DLGAP1: variants seen among roughly 807,000 people sequenced by gnomAD.
The protein encoded by DLGAP1 is DLG associated protein 1, also known as disks large-associated protein 1.
A neutral mutation model predicts 90.8 loss-of-function variants in DLGAP1; 11 were observed. The ratio of observed to expected loss-of-function variants is 0.12; its 90% CI spans 0.08 to 0.20. The LOEUF is 0.20. Ranked by LOEUF, DLGAP1 falls within the 10% of genes least tolerant of loss-of-function variation. The pLI is 1.00. For synonymous variants in DLGAP1, 558 were observed against 540.7 expected (o/e 1.03, Z -0.44); for missense variants, 1,050 against 1,333.8 (o/e 0.79, Z 3.31).
intron 3 of DLGAP1, 30 bp downstream of exon 3, chr18:4,005,086 T>C (rs1369513295): frequency 1.3e-5 from 2 of 152,210 alleles, no homozygotes; most frequent in African/African-American, 4.8e-5. Context: ...GGCTCCATTC[T>C]TCCCTTACTG....
Position 3,729,449 on chromosome 18 carries a change from C to A in DLGAP1, c.1351-74G>T. On this transcript the variant is annotated intron_variant, in intron 6 of 12. Transcript: ENST00000315677. This position sits in a 1 kb window ranked among gnomAD's most constrained non-coding sequence, Gnocchi z 6.2. ...ATCAACCTCTCCAAGCATCTGCGAACTTCAATCCCCAGAAGAAAAAGCAGC... is the reference window on the plus strand; with the variant it reads ...ATCAACCTCTCCAAGCATCTGCGAAATTCAATCCCCAGAAGAAAAAGCAGC... The A allele has an allele frequency of 6.5e-7, 1 of 1,539,610 alleles. No individual in the cohort carries two copies. Among genetic ancestry groups the A allele is most frequent in the Non-Finnish European group, 8.8e-7 (1 of 1,139,038 alleles).
At chr18:3,563,699 G>C (rs1247956279) in intron 9 of DLGAP1, among the ~76,000 whole-genome samples, 1 of 151,984 alleles carries the variant, frequency 6.6e-6, no homozygotes, top group African/African-American at 2.4e-5. Flanking sequence ...GAACTCCTGA[G>C]CTCTGGTGAT....
At chr18:3,914,204 C>G (rs1232295226) in intron 3 of DLGAP1, among the ~76,000 whole-genome samples, 1 of 152,116 alleles carries the variant, frequency 6.6e-6, no homozygotes, top group Non-Finnish European at 1.5e-5. Context: ...TCTGAACTCC[C>G]CATCCTTCCC....
At chr18:3,525,270 C>T (rs1228512659) in intron 10 of DLGAP1, among the ~76,000 whole-genome samples, 3 of 152,000 alleles carry the variant, frequency 2.0e-5, no homozygotes, top group African/African-American at 7.3e-5. Context: ...GCATCATATA[C>T]ATCATATAGA....
At chr18:4,335,250 A>G (rs988200533) in intron 1 of DLGAP1, among the ~76,000 whole-genome samples, 1 of 152,000 alleles carries the variant, frequency 6.6e-6, no homozygotes, top group African/African-American at 2.4e-5. Flanking sequence ...AGCCATCCCG[A>G]AGAATGAGCA....
chr18:3,783,402 TTCA>T (rs1310576612), intron 5 of DLGAP1, among the ~76,000 whole-genome samples: 4 of 152,116 alleles, frequency 2.6e-5, no homozygotes, highest in African/African-American at 9.7e-5. Context: ...CAATCCAAAG[TTCA>T]TCAACTGATG....
At chr18:3,677,819 C>T (rs1352910197) in intron 7 of DLGAP1, among the ~76,000 whole-genome samples, 3 of 151,290 alleles carry the variant, frequency 2.0e-5, no homozygotes, top group East Asian at 3.9e-4. Context: ...CCACCATGCC[C>T]GGCTAATTTT....
intron 2 of DLGAP1, among the ~76,000 whole-genome samples, chr18:4,068,829 A>G (rs2075406284): frequency 6.6e-6 from 1 of 152,142 alleles, no homozygotes; most frequent in South Asian, 2.1e-4. Context: ...AAAACATCCA[A>G]TCCGATGTCC....
rs1418734718 is a variant in DLGAP1, at chr18:3,499,302, C to T, written c.2817G>A (p.Gln939=). 11 of 1,583,484 alleles carry T rather than the reference C, an allele frequency of 6.9e-6. No individual in the cohort carries two copies. Among genetic ancestry groups the T allele is most frequent in the Non-Finnish European group, 8.6e-6 (10 of 1,165,930 alleles). The part of the protein sequence containing the change: ...RERSLESSQR[Q]EARKRLMAAK... ...CGGCCATCAGGCGCTTGCGGGCCTC[C>T]TGGCGCTGCGAGCTCTCCAGCGAGC... The change falls in exon 13 of 13, where the codon CAG becomes CAA. Residue 939 remains glutamine, a synonymous_variant. Coordinates refer to ENST00000315677, the MANE Select transcript of DLGAP1 (RefSeq NM_004746.4). This position sits in a 1 kb window ranked among gnomAD's most constrained non-coding sequence, Gnocchi z 6.4.
chr18:4,389,889 GTGAA>G (rs1156445338), intron 1 of DLGAP1, among the ~76,000 whole-genome samples: 1 of 152,076 alleles, frequency 6.6e-6, no homozygotes, highest in Non-Finnish European at 1.5e-5. Context: ...AATATTACTG[GTGAA>G]TAGTCTTCAT....
chr18:4,232,059 T>C (rs1275746088), intron 1 of DLGAP1, among the ~76,000 whole-genome samples: 1 of 152,172 alleles, frequency 6.6e-6, no homozygotes, highest in Non-Finnish European at 1.5e-5. Context: ...AGAGGTGAGC[T>C]TGAAGTTTAA....
chr18:4,088,889 C>T (rs2075726439), intron 2 of DLGAP1, among the ~76,000 whole-genome samples: 1 of 152,168 alleles, frequency 6.6e-6, no homozygotes, highest in East Asian at 1.9e-4. Flanking sequence ...TGAAAACTGG[C>T]ACAAGACAAG....
chr18:3,827,967 A>C (rs2067811120), intron 4 of DLGAP1, among the ~76,000 whole-genome samples: 1 of 152,248 alleles, frequency 6.6e-6, no homozygotes, highest in Admixed American at 6.5e-5. Context: ...GCAAGTACTT[A>C]ATAGATGCTT....
chr18:3,815,839 C>A (rs914198771), intron 4 of DLGAP1, among the ~76,000 whole-genome samples: 2 of 152,036 alleles, frequency 1.3e-5, no homozygotes, highest in Admixed American at 6.5e-5. Flanking sequence ...GAGCACTGCA[C>A]AAGGCTTAAG....
chr18:3,507,261 G>A (rs2050281048), intron 11 of DLGAP1, among the ~76,000 whole-genome samples: 1 of 152,030 alleles, frequency 6.6e-6, no homozygotes, highest in South Asian at 2.1e-4. Context: ...CAAGATGGGA[G>A]GATCATGAGG....
At chr18:4,395,475 T>C (rs2082421368) in intron 1 of DLGAP1, among the ~76,000 whole-genome samples, 1 of 152,192 alleles carries the variant, frequency 6.6e-6, no homozygotes, top group Non-Finnish European at 1.5e-5. Flanking sequence ...GTATTACCTA[T>C]AGCCAGAGAC....
At chr18:4,119,959 A>G (rs1055496470) in intron 2 of DLGAP1, among the ~76,000 whole-genome samples, 3 of 152,238 alleles carry the variant, frequency 2.0e-5, no homozygotes, top group South Asian at 4.1e-4. Context: ...TGAGGTTTAA[A>G]AAAAGCCATT....
chr18:4,343,426 A>G (rs576880275), intron 1 of DLGAP1, among the ~76,000 whole-genome samples: 1 of 152,228 alleles, frequency 6.6e-6, no homozygotes, highest in Admixed American at 6.5e-5. Context: ...TAGTGGTAGT[A>G]TCCTGATTAC....
intron 4 of DLGAP1, among the ~76,000 whole-genome samples, chr18:3,875,571 G>A (rs938970054): frequency 2.4e-4 from 37 of 152,280 alleles, no homozygotes; most frequent in African/African-American, 8.7e-4. Flanking sequence ...CCAACGTGTT[G>A]CCACATACTA....
Sources: gnomAD v4.1 joint callset for allele counts (sites outside exome capture counted in the v4.1 genomes callset) on GRCh38, gnomAD v4.1.1 for gene constraint, Gnocchi (gnomAD v3.1) non-coding constraint, MANE v1.5 for transcripts, NCBI Gene and HGNC (gene_info 2026-07-23, HGNC 2026-07-21) for gene names.